Variants in GSE1 observed in about 807,000 individuals in gnomAD.
GSE1 encodes Gse1 coiled-coil protein.
In GSE1, 32 loss-of-function variants were observed where a neutral mutation model predicts 112.6. The observed-to-expected ratio is 0.28, with a 90% confidence interval of 0.21 to 0.38. The LOEUF (loss-of-function observed/expected upper bound fraction) is 0.38, where lower values mean the gene tolerates loss of function less well. Ranked by LOEUF, GSE1 falls within the 10% of genes least tolerant of loss-of-function variation. The pLI, the probability that GSE1 is intolerant of heterozygous loss-of-function variation, is 1.00. For missense variants in GSE1, 2,348 were observed against 1,699.2 expected, an observed-to-expected ratio of 1.38 and a Z score of -6.71; for synonymous variants, 1,115 against 735.6, an observed-to-expected ratio of 1.52 and a Z score of -8.35.
At chr16:85,612,582 C>A (rs1419927632), upstream of GSE1, among the ~76,000 whole-genome samples, 2 of 151,820 alleles carry the variant, frequency 1.3e-5, no homozygotes, top group Admixed American at 6.6e-5. Context: ...CCGCAGCGGC[C>A]CGCAATTGTG....
chr16:85,341,860 C>T (rs1409725895), intron 1 of GSE1, among the ~76,000 whole-genome samples: 1 of 152,036 alleles, frequency 6.6e-6, no homozygotes, highest in Non-Finnish European at 1.5e-5. Flanking sequence ...GGGAATAAGG[C>T]CTCGTGGTGA....
chr16:85,425,086 C>T (rs1284084280), intron 2 of GSE1, among the ~76,000 whole-genome samples: 1 of 152,198 alleles, frequency 6.6e-6, no homozygotes, highest in African/African-American at 2.4e-5. Flanking sequence ...ACCCAGGACT[C>T]CGGTCGGCCC....
chr16:85,294,616 A>ACTCTCTCTCTCT lies in GSE1; in HGVS notation c.2284-62816_2284-62805dup, dbSNP rs756560732. 1.1e-3 allele frequency among the ~76,000 whole-genome samples: 87 copies of ACTCTCTCTCTCT among 76,650 alleles called. 7 individuals are homozygous for ACTCTCTCTCTCT. Among genetic ancestry groups the ACTCTCTCTCTCT allele is most frequent in the African/African-American group, 4.4e-3 (72 of 16,212 alleles). The allele number at this position is 76,650 out of a possible 152,430, so 50.3% of individuals were successfully genotyped here. A position where few individuals can be genotyped will look rare whatever the true frequency, so the allele number is the denominator to read the frequency against. ...CCTGGATCTTGCCAGCACGCCTCTC[A>ACTCTCTCTCTCT]CTCTCTCTCTCTCTCTCTCTCTCTC... On this transcript the variant is annotated intron_variant, in intron 1 of 2. Transcript: ENST00000637419.
At chr16:85,397,993 G>A (rs1456838124) in intron 2 of GSE1, among the ~76,000 whole-genome samples, 1 of 152,068 alleles carries the variant, frequency 6.6e-6, no homozygotes, top group African/African-American at 2.4e-5. Context: ...GTGGGGTTGG[G>A]GGTGGGGGCT....
chr16:85,318,253 C>T (rs534381835), intron 1 of GSE1, among the ~76,000 whole-genome samples: 77 of 152,274 alleles, frequency 5.1e-4, no homozygotes, highest in African/African-American at 1.8e-3. Flanking sequence ...CTCTGAGCCC[C>T]GGTTTCCTTA....
chr16:85,211,307 T>A (rs1287102055), intron 1 of GSE1, among the ~76,000 whole-genome samples: 26 of 151,612 alleles, frequency 1.7e-4, no homozygotes, highest in Non-Finnish European at 2.9e-4. Context: ...TGGTTTTTTT[T>A]TTTTGTTTTT....
chr16:85,304,605 G>T (rs1324605301), intron 1 of GSE1, among the ~76,000 whole-genome samples: 2 of 130,058 alleles, frequency 1.5e-5, no homozygotes, highest in South Asian at 3.0e-4. Flanking sequence ...CGGGGGCGGG[G>T]GGGTGGGGCA....
intron 2 of GSE1, among the ~76,000 whole-genome samples, chr16:85,426,688 G>C (rs1210131092): frequency 1.7e-5 from 1 of 58,496 alleles, no homozygotes; most frequent in African/African-American, 4.0e-5. Context: ...AAGGGAGGAT[G>C]GGTAGATGGG....
At chr16:85,357,112 G>C (rs571910953) in intron 1 of GSE1, among the ~76,000 whole-genome samples, 3 of 152,304 alleles carry the variant, frequency 2.0e-5, no homozygotes, top group African/African-American at 7.2e-5. Context: ...TTAGCCTCAG[G>C]CTCCCTCTTA....
chr16:85,464,803 A>T (rs974224053), intron 2 of GSE1, among the ~76,000 whole-genome samples: 15 of 152,288 alleles, frequency 9.8e-5, no homozygotes, highest in African/African-American at 3.6e-4. Context: ...TGAGGCCGGG[A>T]GGAGGATGCC....
In GSE1 at chr16:85,543,033, C is replaced by G. The variant is rs139846827; in HGVS notation, c.2465-90881C>G. On this transcript the variant is annotated intron_variant, in intron 2 of 2. Transcript: ENST00000637419. ...ATGAGTTCAGGAGTTCAAGACCAGC[C>G]TGACCAACATGGTGAAACTCCATCT... is the stretch of plus-strand genomic sequence containing the variant. Among the ~76,000 whole-genome samples the G allele has an allele frequency of 4.8e-4, 73 of 152,226 alleles. No homozygotes were observed. The East Asian group carries it at 0.01, about 21-fold the overall frequency.
intron 2 of GSE1, among the ~76,000 whole-genome samples, chr16:85,487,560 G>A (rs1314484224): frequency 3.3e-5 from 5 of 152,180 alleles, no homozygotes; most frequent in East Asian, 1.9e-4. Flanking sequence ...AAACAGGCAC[G>A]GAGAGGCTAG....
chr16:85,171,459 T>C, exon 1 of GSE1: 6 of 985,454 alleles, frequency 6.1e-6, no homozygotes, highest in Non-Finnish European at 7.2e-6. Context: ...GCCTGGTGGC[T>C]ACCTGTGTGC....
intron 2 of GSE1, among the ~76,000 whole-genome samples, chr16:85,448,426 G>A (rs1178624319): frequency 2.6e-5 from 4 of 152,212 alleles, no homozygotes; most frequent in East Asian, 1.9e-4. Context: ...CTGCAAGCCA[G>A]GAGGGGAGAG....
In GSE1 at chr16:85,417,102, G is replaced by A. The variant is rs182321662; in HGVS notation, c.2464+59459G>A. Reference sequence around the variant, plus strand: ...AACTTATGGGCTCAATCGGTCCCCCGGCCTTGGCCTCCCAAAATTACAAAT... The same window carrying A: ...AACTTATGGGCTCAATCGGTCCCCCAGCCTTGGCCTCCCAAAATTACAAAT... On this transcript the variant is annotated intron_variant, in intron 2 of 2. Coordinates refer to the GSE1 transcript ENST00000637419. 2.1e-3 allele frequency among the ~76,000 whole-genome samples: 317 copies of A among 152,182 alleles called. 2 individuals carry two copies. In the Middle Eastern group the frequency reaches 0.031, roughly 15 times the overall value.
At chr16:85,390,162 C>T (rs1444980404) in intron 2 of GSE1, among the ~76,000 whole-genome samples, 2 of 152,272 alleles carry the variant, frequency 1.3e-5, no homozygotes, top group East Asian at 3.9e-4. Flanking sequence ...ACTGTGTATT[C>T]TTACACATAC....
intron 1 of GSE1, among the ~76,000 whole-genome samples, chr16:85,280,772 C>G (rs191384003): frequency 1.2e-4 from 19 of 152,220 alleles, no homozygotes; most frequent in Admixed American, 9.2e-4. Context: ...CCTTTGCCTC[C>G]TTGCAGCTGT....
At position 85,499,527 on chromosome 16, in the gene GSE1, C is replaced by T. The variant is rs181610608; in HGVS notation, c.2465-134387C>T. Among the ~76,000 whole-genome samples the T allele has an allele frequency of 4.2e-3, 636 of 151,850 alleles. 8 individuals are homozygous for T. The highest frequency in any genetic ancestry group is 0.015 in the African/African-American group (602 of 41,444). ...GGATTTCACCGTGTTAGGATGGTCTCGATCTCCTGGCCTTGTGATCCGCCC... is the reference window on the plus strand; with the variant it reads ...GGATTTCACCGTGTTAGGATGGTCTTGATCTCCTGGCCTTGTGATCCGCCC... On this transcript the variant is annotated intron_variant, in intron 2 of 2. Transcript: ENST00000637419.
chr16:85,401,410 C>T (rs1220923172), intron 2 of GSE1, among the ~76,000 whole-genome samples: 4 of 152,162 alleles, frequency 2.6e-5, no homozygotes, highest in Admixed American at 2.6e-4. Flanking sequence ...AAAGATGCTG[C>T]TGCCCCAGCG....
Sources: allele counts gnomAD v4.1 joint callset (sites outside exome capture counted in the v4.1 genomes callset), GRCh38; gene constraint gnomAD v4.1.1; transcripts MANE v1.5; gene names NCBI Gene and HGNC (gene_info 2026-07-23, HGNC 2026-07-21).